SLC41A2: variants seen among roughly 807,000 people sequenced by gnomAD.
SLC41A2 encodes the protein solute carrier family 41 member 2.
A neutral mutation model predicts 58.3 loss-of-function variants in SLC41A2; 32 were observed. The observed-to-expected ratio is 0.55, with a 90% confidence interval of 0.41 to 0.74. The LOEUF (loss-of-function observed/expected upper bound fraction) is 0.74, where lower values mean the gene tolerates loss of function less well. SLC41A2 is among the 30% of genes least tolerant of loss of function. SLC41A2 has a pLI of 0.00. For missense variants in SLC41A2, 514 were observed against 680.6 expected (o/e 0.76, Z 2.72); for synonymous variants, 190 against 235.0 (o/e 0.81, Z 1.75).
chr12:104,930,627 T>C (rs941515725), intron 1 of SLC41A2, among the ~76,000 whole-genome samples: 2 of 152,192 alleles, frequency 1.3e-5, no homozygotes, highest in Admixed American at 6.5e-5. Flanking sequence ...ATTACCAGGA[T>C]GATCAAAATG....
chr12:104,909,287 C>T (rs2045979494), intron 3 of SLC41A2, among the ~76,000 whole-genome samples: 1 of 152,098 alleles, frequency 6.6e-6, no homozygotes, highest in African/African-American at 2.4e-5. Context: ...ATATTGTTCC[C>T]TTTTCTGTAG....
chr12:104,906,700 C>G (rs1183594957), intron 3 of SLC41A2, among the ~76,000 whole-genome samples: 3 of 152,162 alleles, frequency 2.0e-5, no homozygotes, highest in Admixed American at 2.0e-4. Context: ...TACCCCAAGC[C>G]TAGCTGTTAA....
At chr12:104,896,433 G>A (rs534016135) in intron 3 of SLC41A2, among the ~76,000 whole-genome samples, 14 of 152,272 alleles carry the variant, frequency 9.2e-5, no homozygotes, top group Admixed American at 5.2e-4. Flanking sequence ...TGAAATTCAT[G>A]TTTGTAGTTC....
At chr12:104,835,068 T>C (rs1415632561) in intron 10 of SLC41A2, among the ~76,000 whole-genome samples, 1 of 152,192 alleles carries the variant, frequency 6.6e-6, no homozygotes, top group Non-Finnish European at 1.5e-5. Context: ...GATGATGATG[T>C]TGATATTAAA....
At chr12:104,879,681 C>T (rs965990614) in intron 6 of SLC41A2, among the ~76,000 whole-genome samples, 1 of 152,124 alleles carries the variant, frequency 6.6e-6, no homozygotes, top group East Asian at 1.9e-4. Flanking sequence ...AAGTACTATG[C>T]TGTTTTGGTT....
chr12:104,809,015 T>C lies in SLC41A2; in HGVS notation c.1537-3678A>G, dbSNP rs565239308. Among the ~76,000 whole-genome samples, 13 of 152,318 alleles carry C rather than the reference T, an allele frequency of 8.5e-5. No individual in the cohort carries two copies. The East Asian group carries it at 2.5e-3, about 29-fold the overall frequency. ...AGCACAGTGGTTAAAAGCACTTCTT[T>C]ACAGCCCTTCTCTATTGTCTACTAG... On this transcript the variant is annotated intron_variant, in intron 10 of 10. Coordinates refer to ENST00000258538, the MANE Select transcript of SLC41A2 (RefSeq NM_001352171.3).
At chr12:104,938,025 T>C (rs7960283) in intron 1 of SLC41A2, among the ~76,000 whole-genome samples, 1,886 of 152,196 alleles carry the variant, frequency 0.012, 51 homozygotes, top group African/African-American at 0.043. Flanking sequence ...TTTCCATCCT[T>C]AAATCCCTGC....
At chr12:104,880,803 T>A (rs1054161376) in intron 6 of SLC41A2, among the ~76,000 whole-genome samples, 2 of 152,190 alleles carry the variant, frequency 1.3e-5, no homozygotes, top group African/African-American at 4.8e-5. Flanking sequence ...TCTGCCAGGC[T>A]TTGGTATGAG....
intron 3 of SLC41A2, 101 bp downstream of exon 3, chr12:104,909,550 TGCAG>T (rs138230277): frequency 0.015 from 11,764 of 767,204 alleles, 114 homozygotes; most frequent in African/African-American, 0.035. Flanking sequence ...AGCCCTGAAG[TGCAG>T]AAGCATATCA....
chr12:104,831,281 A>G (rs1011641905), intron 10 of SLC41A2, among the ~76,000 whole-genome samples: 4 of 152,096 alleles, frequency 2.6e-5, no homozygotes, highest in Non-Finnish European at 5.9e-5. Context: ...CCCATGTCTT[A>G]AAAATAAAAT....
intron 2 of SLC41A2, among the ~76,000 whole-genome samples, chr12:104,919,544 AGG>A (rs1210358212): frequency 6.6e-6 from 1 of 152,190 alleles, no homozygotes; most frequent in Admixed American, 6.5e-5. Flanking sequence ...CCATTCTGAT[AGG>A]TGTGTAGTGA....
At chr12:104,953,784 T>C (rs768819614) in intron 1 of SLC41A2, among the ~76,000 whole-genome samples, 6 of 152,144 alleles carry the variant, frequency 3.9e-5, no homozygotes, top group Non-Finnish European at 7.4e-5. Context: ...CTGATCTCAA[T>C]TTGACTAGAA....
chr12:104,874,105 G>A (rs1386208418), intron 6 of SLC41A2, among the ~76,000 whole-genome samples: 6 of 122,006 alleles, frequency 4.9e-5, no homozygotes, highest in South Asian at 2.7e-4. Flanking sequence ...ACAGAGTCTT[G>A]CTCAGTTGCC....
intron 1 of SLC41A2, among the ~76,000 whole-genome samples, chr12:104,945,765 T>C (rs938231832): frequency 1.3e-5 from 2 of 152,254 alleles, no homozygotes; most frequent in East Asian, 1.9e-4. Context: ...ATTCTATTAA[T>C]ACATCCTAAA....
At chr12:104,917,136 C>T (rs1207618284) in intron 2 of SLC41A2, among the ~76,000 whole-genome samples, 2 of 151,874 alleles carry the variant, frequency 1.3e-5, no homozygotes, top group African/African-American at 4.8e-5. Context: ...AAGAAAAAAA[C>T]AAACAACCCC....
At chr12:104,905,356 A>C (rs546171088) in intron 3 of SLC41A2, among the ~76,000 whole-genome samples, 1 of 152,350 alleles carries the variant, frequency 6.6e-6, no homozygotes, top group East Asian at 1.9e-4. Context: ...ACCTTGAGCT[A>C]AACACAGGGT....
chr12:104,830,270 G>A (rs763474385), intron 10 of SLC41A2, among the ~76,000 whole-genome samples: 6 of 152,150 alleles, frequency 3.9e-5, no homozygotes, highest in Non-Finnish European at 5.9e-5. Flanking sequence ...AAAATCCATG[G>A]ATATAAAAAT....
chr12:104,882,619 T>G (rs940426949), intron 6 of SLC41A2, among the ~76,000 whole-genome samples: 3 of 152,206 alleles, frequency 2.0e-5, no homozygotes, highest in Non-Finnish European at 2.9e-5. Flanking sequence ...TTGAAAATTC[T>G]TTTCTTTAAG....
intron 5 of SLC41A2, among the ~76,000 whole-genome samples, chr12:104,887,423 C>G (rs2044726082): frequency 6.6e-6 from 1 of 151,680 alleles, no homozygotes; most frequent in Non-Finnish European, 1.5e-5. Context: ...TTTACTCTAC[C>G]TATTAAAGCC....
Sources: allele counts gnomAD v4.1 joint callset (sites outside exome capture counted in the v4.1 genomes callset), GRCh38; gene constraint gnomAD v4.1.1; transcripts MANE v1.5; gene names NCBI Gene and HGNC (gene_info 2026-07-23, HGNC 2026-07-21).